XKR4: variants seen among roughly 807,000 people sequenced by gnomAD.
The protein encoded by XKR4 is XK-related protein 4.
XKR4 carries 12 observed loss-of-function variants against 53.9 expected under a neutral mutation model. The observed-to-expected ratio is 0.22, with a 90% CI of 0.14 to 0.36. The LOEUF (loss-of-function observed/expected upper bound fraction) is 0.36, where lower values mean the gene tolerates loss of function less well. XKR4 is among the 10% of genes least tolerant of loss of function. The pLI is 1.00. For missense variants in XKR4, 799 were observed against 859.5 expected (o/e 0.93, Z 0.88); for synonymous variants, 354 against 362.4 (o/e 0.98, Z 0.26).
intron 1 of XKR4, chr8:55,140,033 ACT>A (rs1157950250): frequency 3.7e-6 from 1 of 267,344 alleles, no homozygotes; most frequent in East Asian, 1.0e-4. Flanking sequence ...AAAAATTGAG[ACT>A]CTTACTGAGA....
At position 55,526,057 on chromosome 8, in the gene XKR4, A is replaced by G. The variant is rs987617715; in HGVS notation, c.*1830A>G. On this transcript the variant is annotated 3_prime_UTR_variant, in exon 3 of 3. Coordinates refer to ENST00000327381, the MANE Select transcript of XKR4 (RefSeq NM_052898.2). ...AAATGATTACTTTCATCCATCCATT[A>G]TAACAAACCTGACCACAGTGGAAGC... 2 of 152,674 alleles carry G rather than the reference A, an allele frequency of 1.3e-5. No homozygotes were observed. Among genetic ancestry groups the G allele is most frequent in the East Asian group, 1.9e-4 (1 of 5,202 alleles). The allele number at this position is 152,674 out of a possible 1,614,324, so 9.5% of individuals were successfully genotyped here. A position where few individuals can be genotyped will look rare whatever the true frequency, so the allele number is the denominator to read the frequency against.
intron 2 of XKR4, among the ~76,000 whole-genome samples, chr8:55,368,291 A>G (rs1166405676): frequency 6.6e-6 from 1 of 152,060 alleles, no homozygotes; most frequent in Non-Finnish European, 1.5e-5. Context: ...GCTCTCGTTA[A>G]AACTCCCTGG....
chr8:55,238,993 A>T (rs760618833), intron 1 of XKR4, among the ~76,000 whole-genome samples: 42 of 152,170 alleles, frequency 2.8e-4, no homozygotes, highest in Non-Finnish European at 4.7e-4. Context: ...TTGCTGACAC[A>T]TTTTATTCAC....
chr8:55,481,897 C>G (rs979718728), intron 2 of XKR4, among the ~76,000 whole-genome samples: 2 of 152,166 alleles, frequency 1.3e-5, no homozygotes, highest in African/African-American at 4.8e-5. Flanking sequence ...CAGGAAACAA[C>G]AGGTCCTGTA....
chr8:55,457,933 A>T (rs1805594133), intron 2 of XKR4, among the ~76,000 whole-genome samples: 1 of 150,346 alleles, frequency 6.7e-6, no homozygotes, highest in Admixed American at 6.8e-5. Context: ...CATTAACCTG[A>T]GGTAGAACTA....
In XKR4 at chr8:55,493,416, G is replaced by A. The variant is rs542577202; in HGVS notation, c.1007-29865G>A. Among the ~76,000 whole-genome samples the A allele has an allele frequency of 4.7e-4, 72 of 152,324 alleles. 1 individual carries two copies. The highest frequency in any genetic ancestry group is 6.8e-3 in the Middle Eastern group (2 of 294). The stretch of plus-strand genomic sequence containing the variant: ...CTATTGCAATAGTCTGTAGTCACCT[G>A]CCTCTGCCATAAGCAGGGTAGTTTC... On this transcript the variant is annotated intron_variant, in intron 2 of 2. Coordinates refer to ENST00000327381, the MANE Select transcript of XKR4 (RefSeq NM_052898.2).
intron 1 of XKR4, among the ~76,000 whole-genome samples, chr8:55,205,400 C>T (rs779009781): frequency 6.6e-6 from 1 of 152,018 alleles, no homozygotes; most frequent in African/African-American, 2.4e-5. Context: ...AGAGACTGTT[C>T]CTTCTATTCT....
At position 55,537,416 on chromosome 8, in the gene XKR4, G is replaced by A. The variant is rs1563376337; in HGVS notation, c.*13189G>A. 6.6e-6 allele frequency: 1 copy of A among 152,128 alleles called. No individual in the cohort carries two copies. Among genetic ancestry groups the A allele is most frequent in the East Asian group, 1.9e-4 (1 of 5,198 alleles). The allele number at this position is 152,128 out of a possible 1,614,324, so 9.4% of individuals were successfully genotyped here. Reference sequence around the variant, plus strand: ...GAGCATTGTCTCAAATTTTGTGCTTGCCTCATTTATGGTCCTGAAGCTTAG... The same window carrying A: ...GAGCATTGTCTCAAATTTTGTGCTTACCTCATTTATGGTCCTGAAGCTTAG... On this transcript the variant is annotated 3_prime_UTR_variant, in exon 3 of 3. Transcript: ENST00000327381.
intron 2 of XKR4, among the ~76,000 whole-genome samples, chr8:55,396,188 A>AAT (rs1051375434): frequency 2.0e-5 from 3 of 152,116 alleles, no homozygotes; most frequent in African/African-American, 7.2e-5. Context: ...TGACCCTGAT[A>AAT]ATAGTGCTGC....
intron 1 of XKR4, among the ~76,000 whole-genome samples, chr8:55,176,932 G>A (rs150593421): frequency 8.6e-4 from 131 of 152,062 alleles, no homozygotes; most frequent in Middle Eastern, 3.4e-3. Flanking sequence ...AAATTTGTGC[G>A]CAGCCAAATC....
At chr8:55,110,938 T>C (rs1816223244) in intron 1 of XKR4, among the ~76,000 whole-genome samples, 2 of 152,132 alleles carry the variant, frequency 1.3e-5, no homozygotes, top group African/African-American at 4.8e-5. Flanking sequence ...AGATTGCTGA[T>C]TGTAGGAGAA....
At chr8:55,257,712 C>G (rs1336418320) in intron 1 of XKR4, among the ~76,000 whole-genome samples, 1 of 152,126 alleles carries the variant, frequency 6.6e-6, no homozygotes, top group Non-Finnish European at 1.5e-5. Flanking sequence ...TTATGTGACA[C>G]TTTATTAATA....
At chr8:55,448,265 G>A (rs1712962502) in intron 2 of XKR4, among the ~76,000 whole-genome samples, 1 of 152,178 alleles carries the variant, frequency 6.6e-6, no homozygotes, top group Non-Finnish European at 1.5e-5. Flanking sequence ...ACTCAATAAA[G>A]CGCTCTTCTT....
At chr8:55,165,296 T>A (rs2129357764) in intron 1 of XKR4, among the ~76,000 whole-genome samples, 1 of 152,168 alleles carries the variant, frequency 6.6e-6, no homozygotes, top group East Asian at 1.9e-4. Context: ...ATGCCAGCTA[T>A]TTTAAGATCT....
intron 1 of XKR4, among the ~76,000 whole-genome samples, chr8:55,191,089 A>G (rs1489038950): frequency 1.3e-5 from 2 of 152,024 alleles, no homozygotes; most frequent in Non-Finnish European, 2.9e-5. Context: ...TCTGTGGAAA[A>G]ACTCCCTTCT....
chr8:55,260,579 C>A (rs916203161), intron 1 of XKR4, among the ~76,000 whole-genome samples: 1 of 152,152 alleles, frequency 6.6e-6, no homozygotes, highest in African/African-American at 2.4e-5. Context: ...GAATAGCTCA[C>A]TCTCTTGTGA....
chr8:55,378,499 A>C (rs1401775463), intron 2 of XKR4, among the ~76,000 whole-genome samples: 1 of 152,342 alleles, frequency 6.6e-6, no homozygotes, highest in African/African-American at 2.4e-5. Context: ...GTAGCTTGCT[A>C]TGGAGAAAAA....
At chr8:55,373,019 T>C (rs748295690) in intron 2 of XKR4, among the ~76,000 whole-genome samples, 27 of 152,316 alleles carry the variant, frequency 1.8e-4, no homozygotes, top group South Asian at 1.0e-3. Flanking sequence ...CAATGAGCCC[T>C]GATTGCAGAA....
intron 1 of XKR4, among the ~76,000 whole-genome samples, chr8:55,196,669 C>G (rs1223083580): frequency 6.6e-6 from 1 of 152,046 alleles, no homozygotes; most frequent in Non-Finnish European, 1.5e-5. Flanking sequence ...ATTTAGGAAA[C>G]AATTGAATTA....
Sources: allele counts gnomAD v4.1 joint callset (sites outside exome capture counted in the v4.1 genomes callset), GRCh38; gene constraint gnomAD v4.1.1; transcripts MANE v1.5; gene names NCBI Gene and HGNC (gene_info 2026-07-23, HGNC 2026-07-21).